The following ITGBL1 variants were observed in gnomAD, a reference collection of about 807,000 sequenced individuals.
The protein encoded by ITGBL1 is integrin beta-like protein 1.
ITGBL1 carries 51 observed loss-of-function variants against 68.5 expected under a neutral mutation model. The ratio of observed to expected loss-of-function variants is 0.74; its 90% CI spans 0.59 to 0.94. The LOEUF is 0.94. Ranked by LOEUF, ITGBL1 falls within the 40% of genes least tolerant of loss-of-function variation. The pLI is 0.00. For missense variants in ITGBL1, 649 were observed against 647.4 expected, an observed-to-expected ratio of 1.00 and a Z score of -0.03; for synonymous variants, 209 against 227.3, an observed-to-expected ratio of 0.92 and a Z score of 0.72.
intron 7 of ITGBL1, among the ~76,000 whole-genome samples, chr13:101,670,465 G>A (rs1033049055): frequency 2.0e-5 from 3 of 152,104 alleles, no homozygotes; most frequent in African/African-American, 7.2e-5. Flanking sequence ...GTCTTACTAG[G>A]TTTTTCATTA....
In ITGBL1 at chr13:101,579,166, A is replaced by G; in HGVS notation, c.587-121A>G. 15 of 1,010,318 alleles carry G rather than the reference A, an allele frequency of 1.5e-5. No homozygotes were observed. The South Asian group carries it at 1.7e-4, about 12-fold the overall frequency. 62.6% of individuals were successfully genotyped at this position (1,010,318 alleles called of 1,614,324 possible). ...GCTGTATAATTTGATTATTTTAGGC[A>G]AGGAATGTGGAGCTGTGACAGTATT... On this transcript the variant is annotated intron_variant, in intron 4 of 10. Transcript: ENST00000376180.
intron 8 of ITGBL1, among the ~76,000 whole-genome samples, chr13:101,694,767 G>A (rs2033965423): frequency 6.6e-6 from 1 of 152,108 alleles, no homozygotes; most frequent in Non-Finnish European, 1.5e-5. Context: ...TTGCTTTGGA[G>A]TAATCTCAGT....
chr13:101,551,357 T>C lies in ITGBL1; in HGVS notation c.317-16342T>C, dbSNP rs1594885169. Among the ~76,000 whole-genome samples the C allele has an allele frequency of 2.6e-5, 4 of 152,128 alleles. No homozygotes were observed. In the East Asian group the frequency reaches 7.7e-4, roughly 29 times the overall value. ...AACAGGAGACACTTGCTCAGTTGTA[T>C]GGTTTAAGGGGAGGTATCGAAAATG... On this transcript the variant is annotated intron_variant, in intron 2 of 10. Transcript: ENST00000376180.
At position 101,575,451 on chromosome 13, in the gene ITGBL1, G is replaced by T. The variant is rs944259237; in HGVS notation, c.491G>T (p.Cys164Phe). 6.2e-7 allele frequency: 1 copy of T among 1,613,028 alleles called. No homozygotes were observed. Among genetic ancestry groups the T allele is most frequent in the Non-Finnish European group, 8.5e-7 (1 of 1,179,278 alleles). Reference protein sequence around the residue: ...AGTCHCGRCKCDNSDGSGLVY... With the variant: ...AGTCHCGRCKFDNSDGSGLVY... ...ACATGTCACTGTGGCAGGTGTAAGT[G>T]TGATAATTCAGATGGAAGTGGACTT... Residue 164 changes from cysteine (C) to phenylalanine (F), a missense_variant, in exon 4 of 11, where the codon TGT (cysteine) becomes TTT (phenylalanine). Cys to Phe is a radical substitution (Grantham distance 205). Transcript: ENST00000376180.
chr13:101,692,433 G>A (rs370184818), intron 7 of ITGBL1, 152 bp from the exon 8 acceptor site: 28 of 584,444 alleles, frequency 4.8e-5, no homozygotes, highest in East Asian at 1.7e-4. Context: ...CTTACCTTAG[G>A]GAGGTTGGAA....
intron 2 of ITGBL1, among the ~76,000 whole-genome samples, chr13:101,458,112 A>G (rs1054441083): frequency 9.9e-5 from 15 of 152,222 alleles, no homozygotes; most frequent in South Asian, 2.1e-4. Flanking sequence ...GAGGGATAGA[A>G]GGCAGCTTAC....
At chr13:101,582,256 AAAATTTTCAATTTTTATGG>A (rs1414148590) in intron 5 of ITGBL1, among the ~76,000 whole-genome samples, 3 of 152,194 alleles carry the variant, frequency 2.0e-5, no homozygotes, top group Non-Finnish European at 2.9e-5. Flanking sequence ...GTTTCCAACC[AAAATTTTCAATTTTTATGG>A]AAATTTTCAA....
chr13:101,604,977 T>C (rs1269291354), intron 7 of ITGBL1, among the ~76,000 whole-genome samples: 1 of 127,724 alleles, frequency 7.8e-6, no homozygotes, highest in Admixed American at 8.0e-5. Flanking sequence ...TATACATATA[T>C]GCGTACATGT....
intron 2 of ITGBL1, among the ~76,000 whole-genome samples, chr13:101,530,160 C>T (rs1057490728): frequency 6.6e-6 from 1 of 151,988 alleles, no homozygotes; most frequent in African/African-American, 2.4e-5. Flanking sequence ...GTTGACAAGT[C>T]TTACTTTAGT....
intron 2 of ITGBL1, among the ~76,000 whole-genome samples, chr13:101,544,941 G>T (rs1254533898): frequency 6.6e-6 from 1 of 152,206 alleles, no homozygotes; most frequent in Admixed American, 6.5e-5. Flanking sequence ...TTTTCCAGGT[G>T]CTGTCTTTTA....
At chr13:101,715,125 A>G (rs963410197) in intron 10 of ITGBL1, 3 of 165,994 alleles carry the variant, frequency 1.8e-5, no homozygotes, top group African/African-American at 4.8e-5. Flanking sequence ...AAGGTAAAAG[A>G]TGACTCTTTG....
chr13:101,639,655 T>A (rs1216672848), intron 7 of ITGBL1, among the ~76,000 whole-genome samples: 1 of 152,218 alleles, frequency 6.6e-6, no homozygotes, highest in East Asian at 1.9e-4. Context: ...TATTTTAGCA[T>A]GGCTTTATTA....
chr13:101,706,605 A>C lies in ITGBL1; in HGVS notation c.1133-151A>C, dbSNP rs577692606. On this transcript the variant is annotated intron_variant, in intron 8 of 10. Coordinates refer to ENST00000376180, the MANE Select transcript of ITGBL1 (RefSeq NM_004791.3). The stretch of plus-strand genomic sequence containing the variant: ...CTAGAACTCTGTTGTAAGTTCTTTC[A>C]AACAATTACATGCCAAATTGACTAT... 227 of 722,832 alleles carry C rather than the reference A, an allele frequency of 3.1e-4. 1 individual carries two copies. The African/African-American group carries it at 3.7e-3, about 12-fold the overall frequency. The allele number at this position is 722,832 out of a possible 1,614,324, so 44.8% of individuals were successfully genotyped here.
At chr13:101,568,772 G>GA (rs1388549831) in intron 3 of ITGBL1, among the ~76,000 whole-genome samples, 4 of 152,020 alleles carry the variant, frequency 2.6e-5, no homozygotes, top group Non-Finnish European at 1.5e-5. Flanking sequence ...CCAGAGCTGA[G>GA]AATTCCCCAC....
chr13:101,497,511 G>C (rs2048873775), intron 2 of ITGBL1, among the ~76,000 whole-genome samples: 1 of 152,188 alleles, frequency 6.6e-6, no homozygotes. Flanking sequence ...CGTTGGACCA[G>C]GACATGTAAA....
rs2048938251 is a variant in ITGBL1 at position 101,501,398 on chromosome 13, C to T, written c.316+47298C>T. ...TTCTGCCAGCTTATCTGCTGGCTCC[C>T]AGGAACCCAGTGGAATGGGAGTCCT... On this transcript the variant is annotated intron_variant, in intron 2 of 10. Transcript: ENST00000376180. 3.3e-5 allele frequency among the ~76,000 whole-genome samples: 5 copies of T among 152,166 alleles called. 1 individual carries two copies. The South Asian group carries it at 1.0e-3, about 31-fold the overall frequency.
intron 2 of ITGBL1, among the ~76,000 whole-genome samples, chr13:101,476,811 T>C (rs189776343): frequency 6.6e-6 from 1 of 152,246 alleles, no homozygotes; most frequent in Admixed American, 6.5e-5. Context: ...AGTGTAAATA[T>C]ATATACACCC....
intron 2 of ITGBL1, among the ~76,000 whole-genome samples, chr13:101,474,895 C>A (rs574128478): frequency 6.6e-6 from 1 of 152,314 alleles, no homozygotes; most frequent in South Asian, 2.1e-4. Context: ...GCAGACACAG[C>A]TGCAATGACC....
At chr13:101,584,797 A>G (rs2050523507) in intron 6 of ITGBL1, among the ~76,000 whole-genome samples, 1 of 152,042 alleles carries the variant, frequency 6.6e-6, no homozygotes, top group African/African-American at 2.4e-5. Flanking sequence ...CAAAGAGATG[A>G]TGAGAATAGT....
Sources: allele counts gnomAD v4.1 joint callset (sites outside exome capture counted in the v4.1 genomes callset), GRCh38; gene constraint gnomAD v4.1.1; transcripts MANE v1.5; gene names NCBI Gene and HGNC (gene_info 2026-07-23, HGNC 2026-07-21).